Variants in NAV2 observed in about 807,000 individuals in gnomAD.
The protein encoded by NAV2 is helicase, APC down-regulated 1.
Under a neutral mutation model 223.2 loss-of-function variants are expected in NAV2, and 54 were observed. The observed-to-expected ratio is 0.24, with a 90% confidence interval of 0.19 to 0.30. The LOEUF is 0.30. Ranked by LOEUF, NAV2 falls within the 10% of genes least tolerant of loss-of-function variation. The pLI, the probability that NAV2 is intolerant of heterozygous loss-of-function variation, is 1.00. For synonymous variants in NAV2, 1,279 were observed against 1,239.3 expected, an observed-to-expected ratio of 1.03 and a Z score of -0.67; for missense variants, 2,806 against 3,147.5, an observed-to-expected ratio of 0.89 and a Z score of 2.60.
intron 29 of NAV2, 140 bp from the exon 30 acceptor site, chr11:20,095,532 A>C (rs569554953): frequency 1.5e-6 from 1 of 654,558 alleles, no homozygotes. Context: ...CACCTAAGTT[A>C]TACCTGGTTT....
At chr11:19,380,310 C>G (rs774511890) in intron 1 of NAV2, among the ~76,000 whole-genome samples, 1 of 152,192 alleles carries the variant, frequency 6.6e-6, no homozygotes, top group Non-Finnish European at 1.5e-5. Flanking sequence ...CACTGCTGTT[C>G]CCTTGCATTA....
At chr11:19,714,411 C>A in intron 1 of NAV2, 1 of 460,866 alleles carries the variant, frequency 2.2e-6, no homozygotes, top group Non-Finnish European at 4.3e-6. Flanking sequence ...CGCCCCCTAG[C>A]CTGGCTGTAA....
intron 1 of NAV2, among the ~76,000 whole-genome samples, chr11:19,722,690 A>G (rs1208595919): frequency 2.6e-5 from 4 of 152,206 alleles, no homozygotes; most frequent in African/African-American, 4.8e-5. Flanking sequence ...GTAAGGGGAG[A>G]TAAAAGAAAG....
At chr11:20,055,737 C>A in intron 18 of NAV2, 32 bp from the exon 19 acceptor site, 2 of 1,598,384 alleles carry the variant, frequency 1.3e-6, no homozygotes, top group Non-Finnish European at 1.7e-6. Context: ...ACATGAATGT[C>A]TAACCTTTTG....
chr11:20,019,600 T>C (rs770751951), intron 11 of NAV2, among the ~76,000 whole-genome samples: 1 of 151,854 alleles, frequency 6.6e-6, no homozygotes, highest in Non-Finnish European at 1.5e-5. Context: ...TAGAAGTTAG[T>C]GAGAAGTTAT....
intron 6 of NAV2, among the ~76,000 whole-genome samples, chr11:19,917,290 C>T (rs1278776643): frequency 6.6e-6 from 1 of 152,158 alleles, no homozygotes; most frequent in East Asian, 1.9e-4. Flanking sequence ...CCAAGAGATA[C>T]GCATTCACAG....
intron 1 of NAV2, among the ~76,000 whole-genome samples, chr11:19,462,958 G>GGTATTCAGTATA (rs1212027175): frequency 1.9e-4 from 29 of 152,168 alleles, no homozygotes; most frequent in Non-Finnish European, 2.9e-4. Flanking sequence ...TCTGGGCTGA[G>GGTATTCAGTATA]GTATTCAGTA....
chr11:19,842,108 A>T (rs1326028781), intron 2 of NAV2, among the ~76,000 whole-genome samples: 3 of 152,128 alleles, frequency 2.0e-5, no homozygotes, highest in Non-Finnish European at 4.4e-5. Flanking sequence ...ATTCTCAAAC[A>T]CAGTCTCTCC....
At chr11:19,656,539 G>A (rs1438144223) in intron 1 of NAV2, among the ~76,000 whole-genome samples, 1 of 152,190 alleles carries the variant, frequency 6.6e-6, no homozygotes, top group Non-Finnish European at 1.5e-5. Flanking sequence ...ATGTTAAAAT[G>A]TTGGATTTCA....
At chr11:19,664,019 C>T (rs1386795833) in intron 1 of NAV2, among the ~76,000 whole-genome samples, 2 of 152,170 alleles carry the variant, frequency 1.3e-5, no homozygotes, top group East Asian at 3.9e-4. Flanking sequence ...ACACAGTGCA[C>T]AAGAAGGCCA....
chr11:19,660,269 G>A (rs2048241189), intron 1 of NAV2, among the ~76,000 whole-genome samples: 1 of 152,212 alleles, frequency 6.6e-6, no homozygotes, highest in Non-Finnish European at 1.5e-5. Flanking sequence ...CATCCCAGGG[G>A]CTGCCCCAGC....
rs117092273 is a variant in NAV2 at position 19,549,824 on chromosome 11, A to T, written c.75+198797A>T. On this transcript the variant is annotated intron_variant, in intron 1 of 37. Transcript: ENST00000360655. The stretch of plus-strand genomic sequence containing the variant: ...TTAGGTCATCTGCCCCACCAAGGGC[A>T]CCATAGACCAGATGACAAGAACGTT... Among the ~76,000 whole-genome samples, 818 of 152,368 alleles carry T rather than the reference A, an allele frequency of 5.4e-3. 5 individuals are homozygous for T. The highest frequency in any genetic ancestry group is 9.2e-3 in the Non-Finnish European group (627 of 68,044).
chr11:19,927,732 G>C (rs2044912000), intron 6 of NAV2, among the ~76,000 whole-genome samples: 1 of 150,928 alleles, frequency 6.6e-6, no homozygotes, highest in Non-Finnish European at 1.5e-5. Flanking sequence ...CCTGTTTAAG[G>C]GCTCTGCAAT....
chr11:19,856,648 A>G (rs1342183261), intron 3 of NAV2, among the ~76,000 whole-genome samples: 1 of 152,232 alleles, frequency 6.6e-6, no homozygotes, highest in Non-Finnish European at 1.5e-5. Context: ...AGAATTTGAA[A>G]TTAGAGTGGA....
chr11:19,967,620 A>G (rs1451819641), intron 10 of NAV2, among the ~76,000 whole-genome samples: 1 of 152,138 alleles, frequency 6.6e-6, no homozygotes, highest in East Asian at 1.9e-4. Context: ...ATGTGCCCAA[A>G]AGTAGACCTG....
rs757506913 is a variant in NAV2, at chr11:19,832,445, G to A, written c.268-39G>A. The A allele has an allele frequency of 2.7e-5, 41 of 1,541,130 alleles. No individual in the cohort carries two copies. In the South Asian group the frequency reaches 3.5e-4, roughly 13 times the overall value. On this transcript the variant is annotated intron_variant, in intron 1 of 37. Transcript: ENST00000349880. ...TGCCTCAGACTCTGAGAGGGGATCC[G>A]ACTGGCTTCCTAAAGTTGCCTGTTT...
chr11:19,824,101 T>C (rs1176249136), intron 1 of NAV2, among the ~76,000 whole-genome samples: 1 of 152,246 alleles, frequency 6.6e-6, no homozygotes, highest in Non-Finnish European at 1.5e-5. Context: ...TGAATATTAA[T>C]AATGGTTGTT....
At chr11:19,990,999 G>A (rs995763385) in intron 11 of NAV2, among the ~76,000 whole-genome samples, 1 of 152,178 alleles carries the variant, frequency 6.6e-6, no homozygotes, top group Non-Finnish European at 1.5e-5. Flanking sequence ...ACTGCCCTGA[G>A]TTTAGGTTTT....
chr11:19,605,420 G>C (rs2046450228), intron 1 of NAV2, among the ~76,000 whole-genome samples: 1 of 151,664 alleles, frequency 6.6e-6, no homozygotes, highest in African/African-American at 2.4e-5. Flanking sequence ...GTTTCCTCTT[G>C]TCTGTGAAAT....
Sources: gnomAD v4.1 joint callset for allele counts (sites outside exome capture counted in the v4.1 genomes callset) on GRCh38, gnomAD v4.1.1 for gene constraint, MANE v1.5 for transcripts, NCBI Gene and HGNC (gene_info 2026-07-23, HGNC 2026-07-21) for gene names.